Variants in ZSWIM3 observed in about 807,000 individuals in gnomAD.
ZSWIM3 encodes the protein zinc finger SWIM-type containing 3, also known as zinc finger SWIM domain-containing protein 3.
ZSWIM3 carries 27 observed loss-of-function variants against 47.5 expected under a neutral mutation model. That is an observed-to-expected ratio of 0.57 (90% CI 0.42 to 0.78). ZSWIM3 has a LOEUF of 0.78. ZSWIM3 is among the 30% of genes least tolerant of loss of function. The probability of loss-of-function intolerance (pLI) is 0.00; values close to 1 mark genes in which losing one functional copy is unlikely to be tolerated. For missense variants in ZSWIM3, 689 were observed against 861.3 expected, an observed-to-expected ratio of 0.80 and a Z score of 2.50; for synonymous variants, 333 against 333.9, an observed-to-expected ratio of 1.00 and a Z score of 0.03.
At chr20:45,876,586 A>G (rs1601119004) in intron 1 of ZSWIM3, 128 bp from the exon 2 acceptor site, 1 of 1,150,074 alleles carries the variant, frequency 8.7e-7, no homozygotes, top group Non-Finnish European at 1.2e-6. Context: ...TGATCCTCCC[A>G]CCTCAGCCTC....
In ZSWIM3 at chr20:45,877,236, G is replaced by A; in HGVS notation, c.678G>A (p.Val226=). The A allele has an allele frequency of 5.0e-6, 8 of 1,614,100 alleles. No homozygotes were observed. Among genetic ancestry groups the A allele is most frequent in the Non-Finnish European group, 6.8e-6 (8 of 1,180,038 alleles). The change falls in exon 2 of 2, where the codon GTG becomes GTA. Residue 226 remains valine (V), a synonymous_variant. Coordinates refer to ENST00000255152, the MANE Select transcript of ZSWIM3 (RefSeq NM_080752.4). ...RFPENLLLHR[V]ENTQGHILYA... ...CAGAGAATCTCTTGCTACACCGGGTGGAGAACACCCAGGGCCACATCCTCT... is the reference window on the plus strand; with the variant it reads ...CAGAGAATCTCTTGCTACACCGGGTAGAGAACACCCAGGGCCACATCCTCT...
At chr20:45,874,325 G>A (rs1407658846) in intron 1 of ZSWIM3, among the ~76,000 whole-genome samples, 2 of 152,088 alleles carry the variant, frequency 1.3e-5, no homozygotes, top group African/African-American at 2.4e-5. Flanking sequence ...CAGCCTGGCC[G>A]ACATGGTGAA....
intron 1 of ZSWIM3, among the ~76,000 whole-genome samples, chr20:45,869,069 T>A (rs1176823885): frequency 3.3e-5 from 5 of 152,096 alleles, no homozygotes; most frequent in Non-Finnish European, 5.9e-5. Flanking sequence ...CCCAAAGTGC[T>A]GGGATTACAG....
intron 1 of ZSWIM3, among the ~76,000 whole-genome samples, chr20:45,868,619 G>A (rs1378893729): frequency 1.3e-5 from 2 of 151,910 alleles, no homozygotes; most frequent in Admixed American, 1.3e-4. Context: ...CTGACCTCAG[G>A]TGATCCACTC....
At chr20:45,872,818 C>A in intron 1 of ZSWIM3, 1 of 1,287,162 alleles carries the variant, frequency 7.8e-7, no homozygotes, top group Non-Finnish European at 1.0e-6. Flanking sequence ...GCACTGTGCA[C>A]ACAATAGGTA....
intron 1 of ZSWIM3, among the ~76,000 whole-genome samples, chr20:45,858,392 A>T (rs1985601718): frequency 3.3e-5 from 5 of 152,102 alleles, no homozygotes; most frequent in Admixed American, 3.3e-4. Flanking sequence ...TTTAGTTCTT[A>T]TATATTTGTT....
intron 1 of ZSWIM3, among the ~76,000 whole-genome samples, chr20:45,864,452 T>A (rs1286843692): frequency 6.6e-6 from 1 of 152,178 alleles, no homozygotes; most frequent in Non-Finnish European, 1.5e-5. Context: ...TTAGTACATG[T>A]TTCTGCAGCC....
intron 1 of ZSWIM3, among the ~76,000 whole-genome samples, chr20:45,862,486 TTTACTTAC>T: frequency 6.6e-6 from 1 of 151,580 alleles, no homozygotes; most frequent in African/African-American, 2.4e-5. Context: ...TTTTTATTTA[TTTACTTAC>T]TTACTTACTT....
chr20:45,869,257 G>T (rs1353713184), intron 1 of ZSWIM3, among the ~76,000 whole-genome samples: 1 of 151,858 alleles, frequency 6.6e-6, no homozygotes, highest in Non-Finnish European at 1.5e-5. Flanking sequence ...AGTGGCTCAT[G>T]CCTATAATCC....
intron 1 of ZSWIM3, among the ~76,000 whole-genome samples, chr20:45,862,134 CTTTTGGTTTT>C (rs1169675734): frequency 1.3e-5 from 2 of 150,148 alleles, no homozygotes; most frequent in East Asian, 2.0e-4. Context: ...ACTGCATTAG[CTTTTGGTTTT>C]TTTTGGTTTT....
intron 1 of ZSWIM3, among the ~76,000 whole-genome samples, chr20:45,867,077 G>C (rs1238747329): frequency 1.5e-5 from 2 of 137,268 alleles, no homozygotes; most frequent in African/African-American, 5.4e-5. Context: ...CGCTATCTCT[G>C]CTCACTGCAA....
chr20:45,860,602 T>A (rs1419479194), intron 1 of ZSWIM3, among the ~76,000 whole-genome samples: 1 of 151,546 alleles, frequency 6.6e-6, no homozygotes, highest in Non-Finnish European at 1.5e-5. Flanking sequence ...ATGGCCCCCT[T>A]CCTCCATCTT....
intron 1 of ZSWIM3, among the ~76,000 whole-genome samples, chr20:45,862,635 G>T (rs112714251): frequency 0.014 from 2,086 of 152,152 alleles, 53 homozygotes; most frequent in African/African-American, 0.048. Context: ...GAGACTACAG[G>T]CATGCACCAC....
chr20:45,860,510 C>CAA (rs59152975), intron 1 of ZSWIM3, among the ~76,000 whole-genome samples: 1,937 of 102,320 alleles, frequency 0.019, 42 homozygotes, highest in Non-Finnish European at 0.025. Context: ...GACTCCATCT[C>CAA]AAAAAAAAAA....
chr20:45,860,769 G>A (rs1239873046), intron 1 of ZSWIM3, among the ~76,000 whole-genome samples: 3 of 152,040 alleles, frequency 2.0e-5, no homozygotes, highest in East Asian at 3.9e-4. Context: ...TCCCTATTTT[G>A]AAGTCAGCTG....
In ZSWIM3 at chr20:45,878,908, AC is replaced by A. The variant is rs1235763923; in HGVS notation, c.*262del. ...AAAGTTATCTCCGTGCTGCAAGGTC[AC>A]CCTCTTCCTCCCCCAGCCCCTGAGA... On this transcript the variant is annotated 3_prime_UTR_variant, in exon 2 of 2. Coordinates refer to ENST00000255152, the MANE Select transcript of ZSWIM3 (RefSeq NM_080752.4). The A allele has an allele frequency of 2.3e-6, 1 of 426,966 alleles. No individual in the cohort carries two copies. The highest frequency in any genetic ancestry group is 4.2e-6 in the Non-Finnish European group (1 of 238,240). 26.4% of individuals were successfully genotyped at this position (426,966 alleles called of 1,614,324 possible). A position where few individuals can be genotyped will look rare whatever the true frequency, so the allele number is the denominator to read the frequency against.
At chr20:45,871,292 C>T (rs1273555636) in intron 1 of ZSWIM3, among the ~76,000 whole-genome samples, 1 of 152,168 alleles carries the variant, frequency 6.6e-6, no homozygotes, top group Non-Finnish European at 1.5e-5. Context: ...AGGGGGTCAA[C>T]CAGTCTTGCT....
At chr20:45,862,073 T>C (rs1433699381) in intron 1 of ZSWIM3, among the ~76,000 whole-genome samples, 1 of 151,732 alleles carries the variant, frequency 6.6e-6, no homozygotes, top group Admixed American at 6.6e-5. Context: ...GTGGTTAACA[T>C]AATTAAAAAT....
At position 45,878,532 on chromosome 20, in the gene ZSWIM3, A is replaced by G. The variant is rs775442140; in HGVS notation, c.1974A>G (p.Pro658=). 7.7e-5 allele frequency: 125 copies of G among 1,614,084 alleles called. No homozygotes were observed. In the Admixed American group the frequency reaches 1.3e-3, roughly 17 times the overall value. ...IVDIWAGPSQ[P]SELFQQPGDF... ...ATATCTGGGCTGGCCCCTCCCAGCC[A>G]TCTGAGCTCTTTCAGCAGCCAGGAG... Residue 658 remains proline (P), a synonymous_variant, in exon 2 of 2, where the codon CCA becomes CCG. Coordinates refer to ENST00000255152, the MANE Select transcript of ZSWIM3 (RefSeq NM_080752.4).
Sources: allele counts gnomAD v4.1 joint callset (sites outside exome capture counted in the v4.1 genomes callset), GRCh38; gene constraint gnomAD v4.1.1; transcripts MANE v1.5; gene names NCBI Gene and HGNC (gene_info 2026-07-23, HGNC 2026-07-21).